Variants in COMMD1 observed in about 807,000 individuals in gnomAD.
The protein encoded by COMMD1 is copper metabolism domain containing 1.
COMMD1 carries 10 observed loss-of-function variants against 17.2 expected under a neutral mutation model. The ratio of observed to expected loss-of-function variants is 0.58; its 90% CI spans 0.36 to 0.99. The LOEUF (loss-of-function observed/expected upper bound fraction) is 0.99, where lower values mean the gene tolerates loss of function less well. Ranked by LOEUF, COMMD1 falls within the 50% of genes least tolerant of loss-of-function variation. The pLI, the probability that COMMD1 is intolerant of heterozygous loss-of-function variation, is 0.01. For missense variants in COMMD1, 270 were observed against 231.8 expected (o/e 1.17, Z -1.07); for synonymous variants, 97 against 91.6 (o/e 1.06, Z -0.34).
intron 1 of COMMD1, among the ~76,000 whole-genome samples, chr2:61,951,669 A>G (rs1196093766): frequency 6.6e-6 from 1 of 152,204 alleles, no homozygotes; most frequent in South Asian, 2.1e-4. Context: ...TTTAAAGCAT[A>G]TAATTTGATA....
At chr2:62,074,308 A>G (rs1002180562) in intron 2 of COMMD1, among the ~76,000 whole-genome samples, 1 of 152,236 alleles carries the variant, frequency 6.6e-6, no homozygotes, top group African/African-American at 2.4e-5. Context: ...AGGTTGGGCT[A>G]ATATTAACTG....
At chr2:62,031,793 C>T (rs1040902444) in intron 2 of COMMD1, among the ~76,000 whole-genome samples, 3 of 152,142 alleles carry the variant, frequency 2.0e-5, no homozygotes, top group East Asian at 1.9e-4. Context: ...TGATCTCTAA[C>T]GAATTATACA....
At chr2:62,082,772 A>C (rs1558591257) in intron 2 of COMMD1, among the ~76,000 whole-genome samples, 1 of 152,098 alleles carries the variant, frequency 6.6e-6, no homozygotes, top group Admixed American at 6.6e-5. Flanking sequence ...AGGCAGAAGA[A>C]TTTTTTTGTT....
At chr2:61,904,025 T>C (rs954758006), upstream of COMMD1, among the ~76,000 whole-genome samples, 2 of 152,210 alleles carry the variant, frequency 1.3e-5, no homozygotes, top group African/African-American at 4.8e-5. Flanking sequence ...TTTTATTTTT[T>C]TGAGACGGAG....
intron 1 of COMMD1, among the ~76,000 whole-genome samples, chr2:61,980,786 G>A (rs1671932953): frequency 6.6e-6 from 1 of 151,872 alleles, no homozygotes; most frequent in African/African-American, 2.4e-5. Context: ...GTCTTCTGTT[G>A]CCATTGCTTT....
At chr2:61,998,587 T>C (rs1191530230) in intron 1 of COMMD1, among the ~76,000 whole-genome samples, 1 of 152,216 alleles carries the variant, frequency 6.6e-6, no homozygotes, top group Non-Finnish European at 1.5e-5. Context: ...CATTTGTGTG[T>C]GCACTGGAGT....
At chr2:61,989,264 T>C (rs1242215369) in intron 1 of COMMD1, among the ~76,000 whole-genome samples, 1 of 152,160 alleles carries the variant, frequency 6.6e-6, no homozygotes, top group Admixed American at 6.5e-5. Flanking sequence ...TGAACCAAAA[T>C]TGGCACATGA....
At chr2:61,976,180 G>T (rs1671796179) in intron 1 of COMMD1, among the ~76,000 whole-genome samples, 1 of 146,412 alleles carries the variant, frequency 6.8e-6, no homozygotes, top group African/African-American at 2.5e-5. Context: ...AGGAAAATCA[G>T]TCAGTTAATA....
At chr2:62,038,157 A>C (rs1670089365) in intron 2 of COMMD1, among the ~76,000 whole-genome samples, 1 of 152,068 alleles carries the variant, frequency 6.6e-6, no homozygotes, top group African/African-American at 2.4e-5. Flanking sequence ...GCGTGGTGGC[A>C]TGCACCTGTA....
At chr2:61,939,503 T>C (rs1558528410) in intron 1 of COMMD1, among the ~76,000 whole-genome samples, 1 of 151,840 alleles carries the variant, frequency 6.6e-6, no homozygotes. Flanking sequence ...TGATTGGCTA[T>C]GTAGGCTCCT....
rs537822649 is a variant in COMMD1, at chr2:62,111,092, A to G, written c.463-24739A>G. On this transcript the variant is annotated intron_variant, in intron 2 of 2. Coordinates refer to ENST00000311832, the MANE Select transcript of COMMD1 (RefSeq NM_152516.4). ...TCATCTTTCTTTACCTGGTGCAGAG[A>G]GGGAGATATCTTTACGAATGGAGAT... 2.0e-5 allele frequency among the ~76,000 whole-genome samples: 3 copies of G among 152,260 alleles called. No homozygotes were observed. The South Asian group carries it at 6.2e-4, about 32-fold the overall frequency.
rs199574434 is a variant in COMMD1 at position 62,000,964 on chromosome 2, A to G, written c.444A>G (p.Glu148=). The G allele has an allele frequency of 4.3e-4, 701 of 1,613,550 alleles. 1 individual carries two copies. The highest frequency in any genetic ancestry group is 5.7e-4 in the Non-Finnish European group (675 of 1,180,020). Residue 148 remains glutamate (E), a synonymous_variant, in exon 2 of 3, where the codon GAA becomes GAG. Transcript: ENST00000311832. ...CACCTGTTGCCATTATAGAGCTGGA[A>G]TTAGGCAAATATGGACAGGTGAGTT... ...IHTPVAIIEL[E]LGKYGQESEF...
At chr2:62,125,906 T>C (rs1672872687) in intron 2 of COMMD1, among the ~76,000 whole-genome samples, 1 of 152,200 alleles carries the variant, frequency 6.6e-6, no homozygotes, top group African/African-American at 2.4e-5. Context: ...CTATTTTTCC[T>C]AATGCTCTCC....
At chr2:62,069,569 T>A (rs1671145017) in intron 2 of COMMD1, 1 of 152,150 alleles carries the variant, frequency 6.6e-6, no homozygotes, top group Non-Finnish European at 1.5e-5. Flanking sequence ...GGGTGGTGGG[T>A]AGGGCAAGGA....
chr2:61,904,484 C>A (rs1669725351), upstream of COMMD1, among the ~76,000 whole-genome samples: 1 of 152,268 alleles, frequency 6.6e-6, no homozygotes, highest in East Asian at 1.9e-4. Flanking sequence ...AACTGCCCTC[C>A]CTCTGGAGTC....
rs1558581160 is a variant in COMMD1 at position 62,059,335 on chromosome 2, T to TAAA, written c.462+58353_462+58354insAAA. Among the ~76,000 whole-genome samples the TAAA allele has an allele frequency of 6.7e-5, 10 of 148,526 alleles. No homozygotes were observed. In the East Asian group the frequency reaches 1.6e-3, roughly 24 times the overall value. On this transcript the variant is annotated intron_variant, in intron 2 of 2. Transcript: ENST00000311832. ...GCACCTGGCTAATTTAAAAAAAAAT[T>TAAA]TTTTTGTTTTTTGTCTCACTATGTT... is the stretch of plus-strand genomic sequence containing the variant.
At chr2:62,045,730 A>ATTTTTTTT (rs71410917) in intron 2 of COMMD1, among the ~76,000 whole-genome samples, 3 of 84,896 alleles carry the variant, frequency 3.5e-5, no homozygotes, top group Non-Finnish European at 4.5e-5. Flanking sequence ...TTTCAAGTTA[A>ATTTTTTTT]TTTTTTTTTT....
chr2:61,904,449 T>C (rs1306964746), upstream of COMMD1, among the ~76,000 whole-genome samples: 2 of 152,204 alleles, frequency 1.3e-5, no homozygotes, highest in African/African-American at 4.8e-5. Context: ...TTCTTAACAT[T>C]TCAGAACATC....
chr2:62,055,495 C>T lies in COMMD1; in HGVS notation c.462+54513C>T, dbSNP rs116327730. ...AAGCCCACTTTGTATATGTGGCGAC[C>T]GGCTATCCATTGAAGCCATGAAACC... On this transcript the variant is annotated intron_variant, in intron 2 of 2. Transcript: ENST00000311832. 1,096 of 455,816 alleles carry T rather than the reference C, an allele frequency of 2.4e-3. 15 individuals carry two copies. The highest frequency in any genetic ancestry group is 0.019 in the African/African-American group (975 of 50,184). 28.2% of individuals were successfully genotyped at this position (455,816 alleles called of 1,614,324 possible).
Sources: allele counts gnomAD v4.1 joint callset (sites outside exome capture counted in the v4.1 genomes callset), GRCh38; gene constraint gnomAD v4.1.1; transcripts MANE v1.5; gene names NCBI Gene and HGNC (gene_info 2026-07-23, HGNC 2026-07-21).